The following SRSF6 variants were observed in gnomAD, a reference collection of about 807,000 sequenced individuals.
SRSF6 encodes serine and arginine rich splicing factor 6.
A neutral mutation model predicts 42.0 loss-of-function variants in SRSF6; 17 were observed. The observed-to-expected ratio is 0.40, with a 90% confidence interval of 0.28 to 0.61. The LOEUF is 0.61. SRSF6 is among the 20% of genes least tolerant of loss of function. The pLI, the probability that SRSF6 is intolerant of heterozygous loss-of-function variation, is 0.37. For missense variants in SRSF6, 379 were observed against 471.4 expected (o/e 0.80, Z 1.81); for synonymous variants, 204 against 166.7 (o/e 1.22, Z -1.72).
chr20:43,461,239 A>T lies in SRSF6; in HGVS notation c.*176A>T. On this transcript the variant is annotated 3_prime_UTR_variant, in exon 6 of 6. Coordinates refer to ENST00000244020, the MANE Select transcript of SRSF6 (RefSeq NM_006275.6). ...GATGAGGCTCTAAGGAAATGGTGGC[A>T]TGAAGACCCTCTCCCTTCTTTGTAG... The T allele has an allele frequency of 1.3e-6, 1 of 757,936 alleles. No homozygotes were observed. The highest frequency in any genetic ancestry group is 1.9e-6 in the Non-Finnish European group (1 of 539,246). 47.0% of individuals were successfully genotyped at this position (757,936 alleles called of 1,614,324 possible). A position where few individuals can be genotyped will look rare whatever the true frequency, so the allele number is the denominator to read the frequency against.
chr20:43,459,038 C>A, intron 2 of SRSF6: 2 of 870,644 alleles, frequency 2.3e-6, no homozygotes, highest in Non-Finnish European at 3.2e-6. Flanking sequence ...CTAATTGGGG[C>A]ATGTTATTGG....
chr20:43,459,754 C>T lies in SRSF6; in HGVS notation c.257-17C>T, dbSNP rs200081187. ...TATCATTACAAGGCATCTAATTGTT[C>T]CCTTCATGTGATAAAGGTGGTGGAG... On this transcript the variant is annotated splice_polypyrimidine_tract_variant and intron_variant, in intron 2 of 5. Coordinates refer to ENST00000244020, the MANE Select transcript of SRSF6 (RefSeq NM_006275.6). The T allele has an allele frequency of 3.1e-6, 5 of 1,612,454 alleles. No individual in the cohort carries two copies. The highest frequency in any genetic ancestry group is 4.2e-4 in the Middle Eastern group (2 of 4,734).
chr20:43,463,660 GTTT>G lies in SRSF6; in HGVS notation c.*2602_*2604del, dbSNP rs1296530867. ...ACTTAGGACCAGATTCTTAACAAATGTTTTTTTGAATTGGAGTTTGCATTGGCA... is the reference window on the plus strand; with the variant it reads ...ACTTAGGACCAGATTCTTAACAAATGTTTTGAATTGGAGTTTGCATTGGCA... On this transcript the variant is annotated 3_prime_UTR_variant, in exon 6 of 6. Coordinates refer to ENST00000244020, the MANE Select transcript of SRSF6 (RefSeq NM_006275.6). The G allele has an allele frequency of 1.3e-5, 2 of 152,580 alleles. No individual in the cohort carries two copies. The highest frequency in any genetic ancestry group is 2.9e-5 in the Non-Finnish European group (2 of 68,030). 9.5% of individuals were successfully genotyped at this position (152,580 alleles called of 1,614,324 possible). A position where few individuals can be genotyped will look rare whatever the true frequency, so the allele number is the denominator to read the frequency against.
Position 43,461,118 on chromosome 20 carries a change from A to T in SRSF6, c.*55A>T. The T allele has an allele frequency of 6.7e-7, 1 of 1,501,718 alleles. No individual in the cohort carries two copies. Among genetic ancestry groups the T allele is most frequent in the Non-Finnish European group, 8.9e-7 (1 of 1,127,168 alleles). The allele number at this position is 1,501,718 out of a possible 1,614,324, so 93.0% of individuals were successfully genotyped here. On this transcript the variant is annotated 3_prime_UTR_variant, in exon 6 of 6. Transcript: ENST00000244020. ...GGAACACTTTCCTACTTAGGCAGTTACTCTTCCATGTTTATACTTGGCCTC... is the reference window on the plus strand; with the variant it reads ...GGAACACTTTCCTACTTAGGCAGTTTCTCTTCCATGTTTATACTTGGCCTC...
Position 43,464,051 on chromosome 20 carries a change from C to A in SRSF6, c.*2988C>A, listed in dbSNP as rs1300744825. ...CAGTGTTCATGCCCTGAGTAGTAGTCTGCAGTTTGCTTTAATACATGGTAA... is the reference window on the plus strand; with the variant it reads ...CAGTGTTCATGCCCTGAGTAGTAGTATGCAGTTTGCTTTAATACATGGTAA... On this transcript the variant is annotated 3_prime_UTR_variant, in exon 6 of 6. Transcript: ENST00000244020. 2.0e-5 allele frequency: 3 copies of A among 152,302 alleles called. No individual in the cohort carries two copies. The highest frequency in any genetic ancestry group is 7.2e-5 in the African/African-American group (3 of 41,556). The allele number at this position is 152,302 out of a possible 1,614,324, so 9.4% of individuals were successfully genotyped here. A position where few individuals can be genotyped will look rare whatever the true frequency, so the allele number is the denominator to read the frequency against.
At position 43,461,171 on chromosome 20, in the gene SRSF6, G is replaced by C; in HGVS notation, c.*108G>C. 7.3e-7 allele frequency: 1 copy of C among 1,372,762 alleles called. No homozygotes were observed. Among genetic ancestry groups the C allele is most frequent in the Non-Finnish European group, 9.5e-7 (1 of 1,052,526 alleles). 85.0% of individuals were successfully genotyped at this position (1,372,762 alleles called of 1,614,324 possible). A position where few individuals can be genotyped will look rare whatever the true frequency, so the allele number is the denominator to read the frequency against. ...CTGCAAGAGGAATCTCTTGAAAACA[G>C]GGGCACACAGAAATTTGATTTGTGG... On this transcript the variant is annotated 3_prime_UTR_variant, in exon 6 of 6. Transcript: ENST00000244020.
At chr20:43,458,184 T>G (rs1461702414) in intron 1 of SRSF6, 44 bp downstream of exon 1, 3 of 1,580,006 alleles carry the variant, frequency 1.9e-6, no homozygotes, top group Admixed American at 3.5e-5. Flanking sequence ...CCAGGCCTGG[T>G]GGCGGCGGGA....
chr20:43,461,066 C>A lies in SRSF6; in HGVS notation c.*3C>A. On this transcript the variant is annotated 3_prime_UTR_variant, in exon 6 of 6. Coordinates refer to ENST00000244020, the MANE Select transcript of SRSF6 (RefSeq NM_006275.6). ...CCAGGTCGAGTTCCAGAGATTAACT[C>A]AGAACTCCTTGTTTGCACATTATTA... 6.4e-7 allele frequency: 1 copy of A among 1,559,200 alleles called. No individual in the cohort carries two copies. The highest frequency in any genetic ancestry group is 8.7e-7 in the Non-Finnish European group (1 of 1,155,244).
chr20:43,461,843 T>G lies in SRSF6; in HGVS notation c.*780T>G, dbSNP rs2017606513. The G allele has an allele frequency of 6.6e-6, 1 of 152,496 alleles. No individual in the cohort carries two copies. Among genetic ancestry groups the G allele is most frequent in the African/African-American group, 2.4e-5 (1 of 41,468 alleles). 9.4% of individuals were successfully genotyped at this position (152,496 alleles called of 1,614,324 possible). A position where few individuals can be genotyped will look rare whatever the true frequency, so the allele number is the denominator to read the frequency against. ...ATGGAACTTTTTTCAAAGGCAAATT[T>G]AAACTATTTAAGAAATAGCTCCTAA... On this transcript the variant is annotated 3_prime_UTR_variant, in exon 6 of 6. Coordinates refer to ENST00000244020, the MANE Select transcript of SRSF6 (RefSeq NM_006275.6).
At position 43,461,334 on chromosome 20, in the gene SRSF6, G is replaced by GTTTTTTTTTTTTTTTTTTTTT. The variant is rs1196378267; in HGVS notation, c.*273_*274insTTTTTTTTTTTTTTTTTTTTT. 8.9e-5 allele frequency: 5 copies of GTTTTTTTTTTTTTTTTTTTTT among 56,458 alleles called. No homozygotes were observed. The highest frequency in any genetic ancestry group is 3.7e-4 in the African/African-American group (5 of 13,540). 3.5% of individuals were successfully genotyped at this position (56,458 alleles called of 1,614,324 possible). On this transcript the variant is annotated 3_prime_UTR_variant, in exon 6 of 6. Coordinates refer to ENST00000244020, the MANE Select transcript of SRSF6 (RefSeq NM_006275.6). ...TTTGTAAAGATTAAGCTCATTTAGTGTTGTTTTTTTTTTTTTTTTTTTTTT... is the reference window on the plus strand; with the variant it reads ...TTTGTAAAGATTAAGCTCATTTAGTGTTTTTTTTTTTTTTTTTTTTTTTGTTTTTTTTTTTTTTTTTTTTTT...
Position 43,460,696 on chromosome 20 carries a change from T to C in SRSF6, c.675-7T>C. On this transcript the variant is annotated splice_region_variant and splice_polypyrimidine_tract_variant and intron_variant, in intron 5 of 5. Coordinates refer to ENST00000244020, the MANE Select transcript of SRSF6 (RefSeq NM_006275.6). ...AGTATTGAGAAAATCGGTCTTTCCTTGTCCAGTTCCAGGTCGCGGAGCAAA... is the reference window on the plus strand; with the variant it reads ...AGTATTGAGAAAATCGGTCTTTCCTCGTCCAGTTCCAGGTCGCGGAGCAAA... 6.2e-7 allele frequency: 1 copy of C among 1,613,126 alleles called. No homozygotes were observed. The highest frequency in any genetic ancestry group is 8.5e-7 in the Non-Finnish European group (1 of 1,179,188).
intron 2 of SRSF6, 44 bp downstream of exon 2, chr20:43,458,553 G>T: frequency 1.4e-6 from 2 of 1,443,268 alleles, no homozygotes; most frequent in Non-Finnish European, 1.8e-6. Context: ...GGGACCCTGG[G>T]GGCGGGGGTG....
chr20:43,457,934 C>A lies in SRSF6; in HGVS notation c.-100C>A, dbSNP rs1317477669. 4.1e-6 allele frequency: 4 copies of A among 979,798 alleles called. No individual in the cohort carries two copies. Among genetic ancestry groups the A allele is most frequent in the South Asian group, 1.4e-5 (1 of 70,378 alleles). The allele number at this position is 979,798 out of a possible 1,614,324, so 60.7% of individuals were successfully genotyped here. A position where few individuals can be genotyped will look rare whatever the true frequency, so the allele number is the denominator to read the frequency against. On this transcript the variant is annotated 5_prime_UTR_variant, in exon 1 of 6. Coordinates refer to ENST00000244020, the MANE Select transcript of SRSF6 (RefSeq NM_006275.6). Reference sequence around the variant, plus strand: ...ACTCGGCCGCCCCTGTGGTGTGAGGCGCGTGTTCGGGCTCTTGCCGTCCCC... The same window carrying A: ...ACTCGGCCGCCCCTGTGGTGTGAGGAGCGTGTTCGGGCTCTTGCCGTCCCC...
rs368692130 is a variant in SRSF6 at position 43,458,354 on chromosome 20, C to A, written c.108-7C>A. The A allele has an allele frequency of 2.7e-5, 41 of 1,546,220 alleles. No homozygotes were observed. The highest frequency in any genetic ancestry group is 3.6e-5 in the Non-Finnish European group (41 of 1,149,924). ...CCGCGGTTGTCCGGCCCTCGCACCG[C>A]CCCTAGGTACGGCTTCGTGGAGTTC... On this transcript the variant is annotated splice_region_variant and splice_polypyrimidine_tract_variant and intron_variant, in intron 1 of 5. Coordinates refer to ENST00000244020, the MANE Select transcript of SRSF6 (RefSeq NM_006275.6).
Position 43,460,997 on chromosome 20 carries a change from T to C in SRSF6, c.969T>C (p.Thr323=), listed in dbSNP as rs776520160. The C allele has an allele frequency of 1.2e-6, 2 of 1,613,090 alleles. No individual in the cohort carries two copies. Among genetic ancestry groups the C allele is most frequent in the Admixed American group, 3.4e-5 (2 of 59,670 alleles). The part of the protein sequence containing the change: ...RSVSPPPKRA[T]SRSRSRSRSK... ...TGTCCCCTCCACCAAAAAGAGCTAC[T>C]TCAAGATCCCGTTCTAGATCTCGCT... is the stretch of plus-strand genomic sequence containing the variant. Residue 323 remains threonine (T), a synonymous_variant, in exon 6 of 6, where the codon ACT becomes ACC. Transcript: ENST00000244020.
At chr20:43,459,254 C>A in intron 2 of SRSF6, 1 of 1,352,126 alleles carries the variant, frequency 7.4e-7, no homozygotes, top group Non-Finnish European at 9.8e-7. Context: ...CCCTATGACC[C>A]TTTGGCTGAC....
At chr20:43,459,926 A>G (rs949463690) in intron 3 of SRSF6, 31 bp downstream of exon 3, 2 of 1,600,680 alleles carry the variant, frequency 1.2e-6, no homozygotes. Context: ...TAGAAATGAT[A>G]TGACTAATGC....
At position 43,461,334 on chromosome 20, in the gene SRSF6, GTTGTTTTTTTT is replaced by G. The variant is rs1460983070; in HGVS notation, c.*274_*284del. The stretch of plus-strand genomic sequence containing the variant: ...TTTGTAAAGATTAAGCTCATTTAGT[GTTGTTTTTTTT>G]TTTTTTTTTTTTTTTTTTTTTTTTT... On this transcript the variant is annotated 3_prime_UTR_variant, in exon 6 of 6. Transcript: ENST00000244020. 692 of 56,408 alleles carry G rather than the reference GTTGTTTTTTTT, an allele frequency of 0.012. 15 individuals are homozygous for G. Among genetic ancestry groups the G allele is most frequent in the African/African-American group, 0.014 (185 of 13,546 alleles). 3.5% of individuals were successfully genotyped at this position (56,408 alleles called of 1,614,324 possible).
At chr20:43,458,655 C>T (rs909659658) in intron 2 of SRSF6, 146 bp downstream of exon 2, 10 of 867,490 alleles carry the variant, frequency 1.2e-5, no homozygotes, top group Non-Finnish European at 1.5e-5. Flanking sequence ...CACGTCTGCC[C>T]GGGGCAGCCA....
Sources: allele counts gnomAD v4.1 joint callset, GRCh38; gene constraint gnomAD v4.1.1; transcripts MANE v1.5; gene names NCBI Gene and HGNC (gene_info 2026-07-23, HGNC 2026-07-21).